Variants in ODAD2 observed in about 807,000 individuals in gnomAD.
ODAD2 encodes outer dynein arm docking complex subunit 2.
In ODAD2, 89 loss-of-function variants were observed where a neutral mutation model predicts 106.8. That is an observed-to-expected ratio of 0.83 (90% confidence interval 0.70 to 0.99). The LOEUF is 0.99. ODAD2 is among the 50% of genes least tolerant of loss of function. ODAD2 has a pLI of 0.00. For missense variants in ODAD2, 1,168 were observed against 1,238.5 expected (o/e 0.94, Z 0.85); for synonymous variants, 404 against 436.2 (o/e 0.93, Z 0.92).
chr10:27,871,229 G>C lies in ODAD2; in HGVS notation c.2611-8607C>G, dbSNP rs2133435270. ...TTGTTTTTTTCTTCTAAATTTGTTT[G>C]AGTTCTTTGTAGATTCTGGATATTA... On this transcript the variant is annotated intron_variant, in intron 17 of 19. Transcript: ENST00000305242. Among the ~76,000 whole-genome samples, 4 of 152,078 alleles carry C rather than the reference G, an allele frequency of 2.6e-5. No homozygotes were observed. The Middle Eastern group carries it at 0.01, about 388-fold the overall frequency.
intron 9 of ODAD2, among the ~76,000 whole-genome samples, chr10:27,963,300 C>A (rs1445629889): frequency 1.3e-5 from 2 of 152,158 alleles, no homozygotes; most frequent in East Asian, 3.9e-4. Flanking sequence ...AGCCACTGCA[C>A]CCGGCCTGTC....
In ODAD2 at chr10:27,952,645, T is replaced by G. The variant is rs77175919; in HGVS notation, c.1387-7683A>C. Among the ~76,000 whole-genome samples the G allele has an allele frequency of 6.2e-3, 951 of 152,210 alleles. 8 individuals carry two copies. Among genetic ancestry groups the G allele is most frequent in the African/African-American group, 0.022 (906 of 41,550 alleles). On this transcript the variant is annotated intron_variant, in intron 10 of 19. Coordinates refer to ENST00000305242, the MANE Select transcript of ODAD2 (RefSeq NM_018076.5). ...AACAGTTTTATTACCACAGGGAGAT[T>G]TAAAAGTCTATCAATGCCTAGACTC...
At chr10:27,845,667 C>T (rs1010813600) in intron 19 of ODAD2, among the ~76,000 whole-genome samples, 3 of 152,078 alleles carry the variant, frequency 2.0e-5, no homozygotes, top group African/African-American at 4.8e-5. Context: ...GTGCTGTATT[C>T]GGGAGACCCA....
At chr10:27,970,716 C>G (rs34462779) in intron 8 of ODAD2, among the ~76,000 whole-genome samples, 30,329 of 152,094 alleles carry the variant, frequency 0.2, 3,489 homozygotes, top group Middle Eastern at 0.29. Flanking sequence ...GTAATCCCAG[C>G]ATTTTGGGAG....
rs76828681 is a variant in ODAD2, at chr10:27,858,679, C to T, written c.3021+1946G>A. 3.9e-3 allele frequency among the ~76,000 whole-genome samples: 590 copies of T among 152,178 alleles called. 3 individuals carry two copies. Among genetic ancestry groups the T allele is most frequent in the Non-Finnish European group, 6.4e-3 (436 of 68,018 alleles). The stretch of plus-strand genomic sequence containing the variant: ...CCAAACACAGTTTGGTCACTTTACA[C>T]GGTAGGATAATATTCATAAATGATT... On this transcript the variant is annotated intron_variant, in intron 19 of 19. Transcript: ENST00000305242.
chr10:27,981,605 T>C (rs747810276), intron 6 of ODAD2, 23 bp from the exon 7 acceptor site: 6 of 1,447,870 alleles, frequency 4.1e-6, no homozygotes, highest in Non-Finnish European at 5.6e-6. Context: ...ACAAGTTTCA[T>C]TCTATGATTA....
At chr10:27,948,779 A>C (rs1424103714) in intron 10 of ODAD2, among the ~76,000 whole-genome samples, 2 of 40,320 alleles carry the variant, frequency 5.0e-5, no homozygotes, top group African/African-American at 1.0e-4. Flanking sequence ...TGGCCTTTGG[A>C]TTTTTTTTTT....
intron 8 of ODAD2, 105 bp downstream of exon 8, chr10:27,971,003 T>C (rs1227185503): frequency 4.6e-6 from 2 of 430,780 alleles, no homozygotes; most frequent in African/African-American, 6.5e-5. Flanking sequence ...AATAAATAAA[T>C]AAATAAACAA....
chr10:27,965,075 T>C (rs747117951), intron 9 of ODAD2, among the ~76,000 whole-genome samples: 3 of 152,174 alleles, frequency 2.0e-5, no homozygotes, highest in Non-Finnish European at 2.9e-5. Flanking sequence ...GATTTGGTAC[T>C]GGTTTTCCTC....
Position 27,985,150 on chromosome 10 carries a change from T to G in ODAD2, c.444A>C (p.Ser148=), listed in dbSNP as rs1416829890. ...TTTTGCCAAGAATATTTAATGCAAT[T>G]GAGTTTTCTTTCATTGTATTATAAT... ...GSDYNTMKEN[S]IALNILGKIT... Residue 148 remains serine, a synonymous_variant, in exon 4 of 20, where the codon TCA becomes TCC. Coordinates refer to ENST00000305242, the MANE Select transcript of ODAD2 (RefSeq NM_018076.5). 2 of 1,594,720 alleles carry G rather than the reference T, an allele frequency of 1.3e-6. No individual in the cohort carries two copies. Among genetic ancestry groups the G allele is most frequent in the South Asian group, 2.2e-5 (2 of 89,118 alleles).
At chr10:27,858,710 T>A (rs1371784588) in intron 19 of ODAD2, among the ~76,000 whole-genome samples, 2 of 152,186 alleles carry the variant, frequency 1.3e-5, no homozygotes, top group Non-Finnish European at 2.9e-5. Context: ...TGATTTTGGA[T>A]TATCTATTGG....
chr10:27,913,195 C>T (rs1054879714), intron 16 of ODAD2, among the ~76,000 whole-genome samples: 3 of 151,912 alleles, frequency 2.0e-5, no homozygotes, highest in East Asian at 3.9e-4. Flanking sequence ...AATTACGTGT[C>T]GCGGGGGTTT....
chr10:27,830,836 T>G (rs1837419088), intron 19 of ODAD2, among the ~76,000 whole-genome samples: 1 of 152,242 alleles, frequency 6.6e-6, no homozygotes, highest in Non-Finnish European at 1.5e-5. Context: ...GGCTTATTCA[T>G]GCCAATACTT....
At chr10:27,888,640 T>G (rs79657276) in intron 17 of ODAD2, among the ~76,000 whole-genome samples, 6,633 of 152,268 alleles carry the variant, frequency 0.044, 472 homozygotes, top group African/African-American at 0.15. Flanking sequence ...TAATTATTAC[T>G]TTGGCTGTGT....
At chr10:27,955,840 A>C (rs1588603621) in intron 10 of ODAD2, among the ~76,000 whole-genome samples, 2 of 151,740 alleles carry the variant, frequency 1.3e-5, no homozygotes, top group South Asian at 2.1e-4. Context: ...CCAAGAATCC[A>C]CCTCCAGAGA....
At chr10:27,995,292 T>A (rs1173937134) in intron 1 of ODAD2, 112 bp from the exon 2 acceptor site, 1 of 1,187,180 alleles carries the variant, frequency 8.4e-7, no homozygotes. Context: ...TGCTTATTAA[T>A]CTTGGAAGAT....
intron 17 of ODAD2, among the ~76,000 whole-genome samples, chr10:27,864,619 G>A (rs1183461070): frequency 6.6e-6 from 1 of 150,736 alleles, no homozygotes; most frequent in Non-Finnish European, 1.5e-5. Flanking sequence ...TGAGAGTGGG[G>A]AGTGAGGGGA....
rs750662322 is a variant in ODAD2, at chr10:27,985,219, A to G, written c.383-8T>C. ...CTATGGGGTCTCTGTTAGCTGCCAA[A>G]AAAAAAAAAAAGGAGACAAATAAAA... On this transcript the variant is annotated splice_polypyrimidine_tract_variant and splice_region_variant and intron_variant, in intron 3 of 19. Coordinates refer to ENST00000305242, the MANE Select transcript of ODAD2 (RefSeq NM_018076.5). The G allele has an allele frequency of 7.2e-7, 1 of 1,386,294 alleles. No individual in the cohort carries two copies. Among genetic ancestry groups the G allele is most frequent in the South Asian group, 1.5e-5 (1 of 67,110 alleles). The allele number at this position is 1,386,294 out of a possible 1,614,324, so 85.9% of individuals were successfully genotyped here.
chr10:27,830,064 G>A (rs1214141764), intron 19 of ODAD2, among the ~76,000 whole-genome samples: 1 of 152,158 alleles, frequency 6.6e-6, no homozygotes, highest in Non-Finnish European at 1.5e-5. Flanking sequence ...AGAAAGTAGG[G>A]CACAGGATGG....
Sources: allele counts gnomAD v4.1 joint callset (sites outside exome capture counted in the v4.1 genomes callset), GRCh38; gene constraint gnomAD v4.1.1; transcripts MANE v1.5; gene names NCBI Gene and HGNC (gene_info 2026-07-23, HGNC 2026-07-21).